Variants in PALLD observed in about 807,000 individuals in gnomAD.
PALLD encodes palladin, cytoskeletal associated protein, also known as palladin.
Under a neutral mutation model 123.5 loss-of-function variants are expected in PALLD, and 61 were observed. The observed-to-expected ratio is 0.49, with a 90% CI of 0.40 to 0.61. The LOEUF is 0.61. Among genes scored for constraint, PALLD ranks in the 20% least tolerant of loss-of-function variants. The probability of loss-of-function intolerance (pLI) is 0.00; values close to 1 mark genes in which losing one functional copy is unlikely to be tolerated. For synonymous variants in PALLD, 465 were observed against 496.4 expected (o/e 0.94, Z 0.84); for missense variants, 1,273 against 1,377.0 (o/e 0.92, Z 1.20).
chr4:168,499,366 A>C (rs1486671521), intron 1 of PALLD, among the ~76,000 whole-genome samples: 1 of 42,310 alleles, frequency 2.4e-5, no homozygotes, highest in Non-Finnish European at 4.3e-5. Context: ...GGGGGGAGGG[A>C]GGAAGGGAGG....
chr4:168,574,390 T>C (rs1648199642), intron 2 of PALLD, among the ~76,000 whole-genome samples: 1 of 152,286 alleles, frequency 6.6e-6, no homozygotes, highest in South Asian at 2.1e-4. Context: ...TTGGTTAAAA[T>C]GTTCCAGTAG....
chr4:168,636,226 C>A (rs1352406110), intron 2 of PALLD, among the ~76,000 whole-genome samples: 2 of 152,078 alleles, frequency 1.3e-5, no homozygotes, highest in Non-Finnish European at 2.9e-5. Context: ...TAAGCATGAG[C>A]CTGTAATCCC....
chr4:168,503,998 C>G (rs1761721779), intron 1 of PALLD, among the ~76,000 whole-genome samples: 1 of 152,218 alleles, frequency 6.6e-6, no homozygotes, highest in Non-Finnish European at 1.5e-5. Context: ...TTTGTTGAAA[C>G]TATTTTAATA....
rs189419215 is a variant in PALLD, at chr4:168,915,272, G to A, written c.2718-623G>A. On this transcript the variant is annotated intron_variant, in intron 16 of 21. Coordinates refer to ENST00000505667, the MANE Select transcript of PALLD (RefSeq NM_001166108.2). Reference sequence around the variant, plus strand: ...TCAACATCTTTTAAGTCTTCCCTGCGATTACTTTCAACTGTATTCCTCTTA... The same window carrying A: ...TCAACATCTTTTAAGTCTTCCCTGCAATTACTTTCAACTGTATTCCTCTTA... Among the ~76,000 whole-genome samples, 6 of 152,116 alleles carry A rather than the reference G, an allele frequency of 3.9e-5. No homozygotes were observed. In the East Asian group the frequency reaches 5.8e-4, roughly 15 times the overall value.
intron 10 of PALLD, among the ~76,000 whole-genome samples, chr4:168,875,613 T>C (rs1295866843): frequency 6.6e-6 from 1 of 152,292 alleles, no homozygotes; most frequent in South Asian, 2.1e-4. Context: ...CTACAGTATA[T>C]ACTAGCAGCC....
At chr4:168,716,392 T>C (rs1785372025) in intron 10 of PALLD, among the ~76,000 whole-genome samples, 1 of 152,188 alleles carries the variant, frequency 6.6e-6, no homozygotes, top group East Asian at 1.9e-4. Flanking sequence ...ATGAAATGAT[T>C]GTTAAGTGTT....
At chr4:168,674,763 A>G (rs1580889018) in intron 3 of PALLD, among the ~76,000 whole-genome samples, 1 of 152,250 alleles carries the variant, frequency 6.6e-6, no homozygotes, top group Non-Finnish European at 1.5e-5. Context: ...AGCAAATAAC[A>G]TACTTGTTGG....
At position 168,682,243 on chromosome 4, in the gene PALLD, A is replaced by G. The variant is rs541763877; in HGVS notation, c.1155-755A>G. Among the ~76,000 whole-genome samples, 5 of 152,326 alleles carry G rather than the reference A, an allele frequency of 3.3e-5. No individual in the cohort carries two copies. In the South Asian group the frequency reaches 1.0e-3, roughly 32 times the overall value. On this transcript the variant is annotated intron_variant, in intron 4 of 21. Coordinates refer to ENST00000505667, the MANE Select transcript of PALLD (RefSeq NM_001166108.2). ...TCCTATTATGGAAAAGTCCATAAAT[A>G]TTGAGTCTGTTCTAATAAATTTCTT...
At chr4:168,759,131 A>G (rs1732321545) in intron 10 of PALLD, among the ~76,000 whole-genome samples, 1 of 140,146 alleles carries the variant, frequency 7.1e-6, no homozygotes, top group South Asian at 2.4e-4. Flanking sequence ...GTGAGCCGAG[A>G]TCGTGCCATT....
In PALLD at chr4:168,511,448, A is replaced by G. The variant is rs1580051421; in HGVS notation, c.-57A>G. 2 of 1,306,852 alleles carry G rather than the reference A, an allele frequency of 1.5e-6. No individual in the cohort carries two copies. Among genetic ancestry groups the G allele is most frequent in the South Asian group, 1.2e-5 (1 of 84,566 alleles). The allele number at this position is 1,306,852 out of a possible 1,614,324, so 81.0% of individuals were successfully genotyped here. A position where few individuals can be genotyped will look rare whatever the true frequency, so the allele number is the denominator to read the frequency against. ...AACACAGTTTCAGAAAACAGTTTCC[A>G]GTGCCTCTGGCCTTCCTACTGAAAG... On this transcript the variant is annotated 5_prime_UTR_variant, in exon 2 of 22. Coordinates refer to ENST00000505667, the MANE Select transcript of PALLD (RefSeq NM_001166108.2).
intron 2 of PALLD, among the ~76,000 whole-genome samples, chr4:168,550,418 T>A (rs1252281406): frequency 6.6e-6 from 1 of 152,190 alleles, no homozygotes; most frequent in Non-Finnish European, 1.5e-5. Flanking sequence ...TAGTTCTCTG[T>A]TCCTCTGGGA....
intron 10 of PALLD, among the ~76,000 whole-genome samples, chr4:168,789,968 T>G (rs1459153359): frequency 2.0e-5 from 3 of 152,070 alleles, no homozygotes; most frequent in Non-Finnish European, 4.4e-5. Context: ...ATATGCAAAT[T>G]TAAACGGTAT....
At chr4:168,752,625 C>T (rs1035192923) in intron 10 of PALLD, among the ~76,000 whole-genome samples, 3 of 152,102 alleles carry the variant, frequency 2.0e-5, no homozygotes, top group African/African-American at 4.8e-5. Context: ...TTCCTTTTTA[C>T]GTTTTTTATT....
intron 10 of PALLD, among the ~76,000 whole-genome samples, chr4:168,882,576 CCTAT>C (rs894513860): frequency 2.7e-5 from 4 of 150,430 alleles, no homozygotes; most frequent in Admixed American, 6.6e-5. Context: ...ATCTCATCTA[CCTAT>C]CTTTCTCCTA....
At chr4:168,660,967 C>T (rs112035028) in intron 2 of PALLD, among the ~76,000 whole-genome samples, 19,459 of 151,406 alleles carry the variant, frequency 0.13, 1,346 homozygotes, top group African/African-American at 0.18. Flanking sequence ...TGCAGTGGCA[C>T]GATCTTGACT....
intron 10 of PALLD, among the ~76,000 whole-genome samples, chr4:168,855,753 T>G (rs1748520985): frequency 6.6e-6 from 1 of 152,220 alleles, no homozygotes; most frequent in African/African-American, 2.4e-5. Context: ...TACTAATAGC[T>G]CACATTTATC....
At chr4:168,582,782 T>C (rs923211153) in intron 2 of PALLD, among the ~76,000 whole-genome samples, 1 of 152,206 alleles carries the variant, frequency 6.6e-6, no homozygotes, top group African/African-American at 2.4e-5. Flanking sequence ...TCTCACTTGA[T>C]CCTGATGTAT....
At chr4:168,811,745 T>G (rs1374275548) in intron 10 of PALLD, among the ~76,000 whole-genome samples, 1 of 130,446 alleles carries the variant, frequency 7.7e-6, no homozygotes. Context: ...CTGTCTCTCT[T>G]TCTCTCTCTC....
At chr4:168,847,013 T>C (rs1406609842) in intron 10 of PALLD, among the ~76,000 whole-genome samples, 1 of 152,234 alleles carries the variant, frequency 6.6e-6, no homozygotes, top group African/African-American at 2.4e-5. Flanking sequence ...GGGACTGGAA[T>C]TGCAAGCTGC....
Sources: allele counts gnomAD v4.1 joint callset (sites outside exome capture counted in the v4.1 genomes callset), GRCh38; gene constraint gnomAD v4.1.1; transcripts MANE v1.5; gene names NCBI Gene and HGNC (gene_info 2026-07-23, HGNC 2026-07-21).